Variants in FMN1 observed in about 807,000 individuals in gnomAD.
FMN1 encodes the protein formin-1.
In FMN1, 110 loss-of-function variants were observed where a neutral mutation model predicts 132.4. The observed-to-expected ratio is 0.83, with a 90% CI of 0.71 to 0.97. The LOEUF (loss-of-function observed/expected upper bound fraction) is 0.97. Among genes scored for constraint, FMN1 ranks in the 50% least tolerant of loss-of-function variants. The pLI is 0.00. For synonymous variants in FMN1, 722 were observed against 651.7 expected (o/e 1.11, Z -1.64); for missense variants, 1,792 against 1,705.3 (o/e 1.05, Z -0.90).
At chr15:32,944,665 C>T (rs984940546) in intron 9 of FMN1, among the ~76,000 whole-genome samples, 2 of 152,056 alleles carry the variant, frequency 1.3e-5, no homozygotes, top group African/African-American at 4.8e-5. Flanking sequence ...GGCACCCCAT[C>T]CCCATCCTGA....
chr15:32,954,172 C>T (rs915400750), intron 9 of FMN1, among the ~76,000 whole-genome samples: 1 of 152,154 alleles, frequency 6.6e-6, no homozygotes, highest in Non-Finnish European at 1.5e-5. Flanking sequence ...TTCAATACCC[C>T]CACTACATAA....
At chr15:32,844,024 T>C (rs1209601980) in intron 17 of FMN1, among the ~76,000 whole-genome samples, 2 of 152,192 alleles carry the variant, frequency 1.3e-5, no homozygotes, top group African/African-American at 2.4e-5. Flanking sequence ...GAGGGAAAGG[T>C]AGATCTACTT....
At chr15:33,079,460 T>C (rs1356384087) in intron 5 of FMN1, among the ~76,000 whole-genome samples, 3 of 152,168 alleles carry the variant, frequency 2.0e-5, no homozygotes, top group Non-Finnish European at 4.4e-5. Flanking sequence ...CTGTCTCTAC[T>C]GAAAATACAA....
At chr15:32,796,999 G>A (rs1175682992) in intron 19 of FMN1, among the ~76,000 whole-genome samples, 1 of 152,200 alleles carries the variant, frequency 6.6e-6, no homozygotes, top group African/African-American at 2.4e-5. Flanking sequence ...TCATGACCCT[G>A]TAAAGGGGTT....
intron 6 of FMN1, among the ~76,000 whole-genome samples, chr15:33,013,601 GA>G (rs1272825310): frequency 3.3e-5 from 5 of 152,086 alleles, no homozygotes; most frequent in Non-Finnish European, 5.9e-5. Flanking sequence ...TTAAATGAAA[GA>G]AAAAATACTT....
intron 5 of FMN1, among the ~76,000 whole-genome samples, chr15:33,082,618 T>C (rs1169599577): frequency 6.6e-6 from 1 of 152,166 alleles, no homozygotes; most frequent in Non-Finnish European, 1.5e-5. Context: ...CTATATTCAG[T>C]TGCCTTTGAT....
At chr15:33,090,867 A>G (rs934343254) in intron 4 of FMN1, among the ~76,000 whole-genome samples, 3 of 152,218 alleles carry the variant, frequency 2.0e-5, no homozygotes, top group Non-Finnish European at 4.4e-5. Context: ...TAACAGATGA[A>G]GAAATTAAAG....
At chr15:33,062,628 A>T (rs2037539331) in intron 6 of FMN1, 1 of 152,232 alleles carries the variant, frequency 6.6e-6, no homozygotes, top group Admixed American at 6.5e-5. Context: ...TCTCAAAAAA[A>T]TAGTAATAAT....
At chr15:33,001,074 G>T (rs2034074746) in intron 7 of FMN1, among the ~76,000 whole-genome samples, 2 of 152,172 alleles carry the variant, frequency 1.3e-5, no homozygotes, top group African/African-American at 4.8e-5. Flanking sequence ...CTTGTGGTCA[G>T]GAGTTCAAGA....
intron 6 of FMN1, among the ~76,000 whole-genome samples, chr15:33,054,994 A>T (rs1387815154): frequency 6.6e-6 from 1 of 152,088 alleles, no homozygotes; most frequent in African/African-American, 2.4e-5. Context: ...ATCTGAATGG[A>T]CTCTCTCCTC....
At chr15:32,886,762 T>C (rs1276352765) in intron 16 of FMN1, among the ~76,000 whole-genome samples, 2 of 152,156 alleles carry the variant, frequency 1.3e-5, no homozygotes, top group Non-Finnish European at 2.9e-5. Context: ...TTGCTAACTC[T>C]TGCTGCCACA....
At chr15:32,874,494 TCA>T (rs1399067527) in intron 16 of FMN1, among the ~76,000 whole-genome samples, 4 of 152,170 alleles carry the variant, frequency 2.6e-5, no homozygotes, top group Admixed American at 2.6e-4. Context: ...CTCTTCAGGA[TCA>T]CAGTCAGGAA....
chr15:32,987,799 GAAGAAACACTT>G (rs2033163711), intron 7 of FMN1, among the ~76,000 whole-genome samples: 1 of 152,150 alleles, frequency 6.6e-6, no homozygotes, highest in Non-Finnish European at 1.5e-5. Flanking sequence ...ATTTACCTAT[GAAGAAACACTT>G]AACAGGCCAG....
At chr15:32,790,907 G>A (rs1402226493) in intron 19 of FMN1, among the ~76,000 whole-genome samples, 2 of 152,168 alleles carry the variant, frequency 1.3e-5, no homozygotes, top group African/African-American at 4.8e-5. Context: ...AAATACTAAA[G>A]GATCGTAAGA....
At chr15:33,095,829 G>A (rs2604169) in intron 4 of FMN1, among the ~76,000 whole-genome samples, 107,367 of 151,980 alleles carry the variant, frequency 0.71, 38,433 homozygotes, top group East Asian at 0.84. Context: ...GACATATGAT[G>A]TAATTACTGG....
chr15:33,023,068 AAAAAAAAAAG>A (rs1478179742), intron 6 of FMN1, among the ~76,000 whole-genome samples: 2 of 86,100 alleles, frequency 2.3e-5, no homozygotes, highest in African/African-American at 8.4e-5. Flanking sequence ...CCAAAAAAAA[AAAAAAAAAAG>A]AAAAAAAAGA....
At chr15:33,099,946 T>G (rs892056368) in intron 4 of FMN1, among the ~76,000 whole-genome samples, 3 of 152,170 alleles carry the variant, frequency 2.0e-5, no homozygotes, top group Admixed American at 6.5e-5. Context: ...TGGCCCTTTT[T>G]ACTATTATAC....
intron 9 of FMN1, among the ~76,000 whole-genome samples, chr15:32,947,878 A>AT (rs1394899837): frequency 6.6e-6 from 1 of 151,962 alleles, no homozygotes; most frequent in Non-Finnish European, 1.5e-5. Context: ...GTCAATACAG[A>AT]TTTTCTATGC....
At chr15:32,981,879 C>T (rs74012423) in intron 7 of FMN1, among the ~76,000 whole-genome samples, 14 of 152,046 alleles carry the variant, frequency 9.2e-5, no homozygotes, top group South Asian at 2.1e-4. Context: ...ACAGCATGAT[C>T]CATTTAAAAA....
Sources: gnomAD v4.1 joint callset for allele counts (sites outside exome capture counted in the v4.1 genomes callset) on GRCh38, gnomAD v4.1.1 for gene constraint, MANE v1.5 for transcripts, NCBI Gene and HGNC (gene_info 2026-07-23, HGNC 2026-07-21) for gene names.